The following PAPOLA variants were observed in gnomAD, a reference collection of about 807,000 sequenced individuals.
PAPOLA encodes the protein polynucleotide adenylyltransferase alpha.
Under a neutral mutation model 100.6 loss-of-function variants are expected in PAPOLA, and 15 were observed. The ratio of observed to expected loss-of-function variants is 0.15; its 90% confidence interval spans 0.10 to 0.23. The LOEUF is 0.23. Among genes scored for constraint, PAPOLA ranks in the 10% least tolerant of loss-of-function variants. The pLI is 1.00. For synonymous variants in PAPOLA, 293 were observed against 300.0 expected (o/e 0.98, Z 0.24); for missense variants, 533 against 884.2 (o/e 0.60, Z 5.04).
At chr14:96,534,787 A>G in intron 10 of PAPOLA, 2 of 1,293,436 alleles carry the variant, frequency 1.5e-6, no homozygotes, top group Middle Eastern at 2.5e-4. Context: ...ATAGTTTTTA[A>G]TACAGATTTT....
At chr14:96,564,145 A>G (rs1240474592) in intron 21 of PAPOLA, among the ~76,000 whole-genome samples, 2 of 152,090 alleles carry the variant, frequency 1.3e-5, no homozygotes, top group Non-Finnish European at 2.9e-5. Flanking sequence ...AGGTGATAAT[A>G]TTGTGGCTAT....
intron 9 of PAPOLA, chr14:96,533,642 C>T: frequency 1.9e-6 from 1 of 528,804 alleles, no homozygotes; most frequent in Non-Finnish European, 2.4e-6. Flanking sequence ...GCAAGCTCTG[C>T]CTCCTGGATT....
intron 16 of PAPOLA, among the ~76,000 whole-genome samples, chr14:96,550,786 A>G (rs2140317886): frequency 6.6e-6 from 1 of 152,338 alleles, no homozygotes; most frequent in African/African-American, 2.4e-5. Flanking sequence ...GTAAAATAGC[A>G]CTTTCTTGCT....
chr14:96,557,905 A>G (rs1289928962), intron 19 of PAPOLA, among the ~76,000 whole-genome samples: 1 of 152,020 alleles, frequency 6.6e-6, no homozygotes. Flanking sequence ...TGCTGTTTAA[A>G]TTGTTGTTAT....
intron 14 of PAPOLA, among the ~76,000 whole-genome samples, chr14:96,543,537 A>T (rs995784499): frequency 1.3e-5 from 2 of 151,918 alleles, no homozygotes; most frequent in Non-Finnish European, 2.9e-5. Context: ...TTTGTGTTAT[A>T]CAGTATTCTT....
Position 96,521,026 on chromosome 14 carries a change from TA to T in PAPOLA, c.206del (p.Asn69IlefsTer4). 2 of 1,538,762 alleles carry T rather than the reference TA, an allele frequency of 1.3e-6. No individual in the cohort carries two copies. Among genetic ancestry groups the T allele is most frequent in the Non-Finnish European group, 1.8e-6 (2 of 1,112,016 alleles). ...AACAGGATTTTAATTTTGGGAAAAC[TA>T]AATAACCTGGTAAAAGAGTGGATAC... is the stretch of plus-strand genomic sequence containing the variant. ...LQRRILILGK[L>X]NNLVKEWIRE... On this transcript the variant is annotated frameshift_variant, in exon 3 of 22. Coordinates refer to ENST00000216277, the MANE Select transcript of PAPOLA (RefSeq NM_032632.5). LOFTEE classifies it high-confidence loss of function.
chr14:96,519,263 G>T (rs1897741598), intron 1 of PAPOLA, among the ~76,000 whole-genome samples: 4 of 152,056 alleles, frequency 2.6e-5, no homozygotes, highest in Admixed American at 2.6e-4. Context: ...GAATTTGGGA[G>T]AAATAACCGA....
At chr14:96,538,976 C>T (rs545304313) in intron 12 of PAPOLA, among the ~76,000 whole-genome samples, 24 of 152,002 alleles carry the variant, frequency 1.6e-4, no homozygotes, top group Non-Finnish European at 3.2e-4. Flanking sequence ...AGAAAAATCT[C>T]GTTTGTTTTA....
intron 1 of PAPOLA, among the ~76,000 whole-genome samples, chr14:96,506,691 G>A (rs80064276): frequency 0.017 from 2,639 of 152,254 alleles, 76 homozygotes; most frequent in African/African-American, 0.061. Flanking sequence ...GCTGTATAAT[G>A]TGTGCTTAAA....
chr14:96,539,022 A>G (rs1164023940), intron 12 of PAPOLA, among the ~76,000 whole-genome samples: 2 of 152,136 alleles, frequency 1.3e-5, no homozygotes, highest in Non-Finnish European at 2.9e-5. Context: ...AAGACTTATC[A>G]GTGTTCCTCA....
Position 96,512,073 on chromosome 14 carries a change from A to G in PAPOLA, c.9-7982A>G, listed in dbSNP as rs114900236. 2.3e-3 allele frequency among the ~76,000 whole-genome samples: 344 copies of G among 152,338 alleles called. 1 individual carries two copies. Among genetic ancestry groups the G allele is most frequent in the African/African-American group, 7.7e-3 (320 of 41,584 alleles). On this transcript the variant is annotated intron_variant, in intron 1 of 21. Transcript: ENST00000216277. ...AGGGGGTTATTTTAGCCTCCTTGCTATAACTATTCTAATTTAATGGTGAAC... is the reference window on the plus strand; with the variant it reads ...AGGGGGTTATTTTAGCCTCCTTGCTGTAACTATTCTAATTTAATGGTGAAC...
chr14:96,502,883 C>T (rs948545015), intron 1 of PAPOLA: 8 of 404,332 alleles, frequency 2.0e-5, no homozygotes, highest in Admixed American at 4.3e-5. Context: ...CTAACTCGCC[C>T]GGCCACTCCA....
In PAPOLA at chr14:96,552,396, CAT is replaced by C. The variant is rs1455375081; in HGVS notation, c.1522-79_1522-78del. The C allele has an allele frequency of 3.2e-6, 4 of 1,247,972 alleles. No individual in the cohort carries two copies. The Admixed American group carries it at 5.7e-5, about 18-fold the overall frequency. 77.3% of individuals were successfully genotyped at this position (1,247,972 alleles called of 1,614,324 possible). ...GTGATCTGTGCTTTTCAGTAAAAAT[CAT>C]ATATGTTAAGTAAAAGGTTTCCATG... On this transcript the variant is annotated intron_variant, in intron 16 of 21. Transcript: ENST00000216277.
Position 96,558,537 on chromosome 14 carries a change from C to T in PAPOLA, c.2005-2112C>T, listed in dbSNP as rs113539094. ...GTAGAATAACACTTGTGTTTCTTGT[C>T]TGGTTTAGAAAAGCAATAAGAATAT... On this transcript the variant is annotated intron_variant, in intron 19 of 21. Transcript: ENST00000216277. Among the ~76,000 whole-genome samples the T allele has an allele frequency of 6.6e-5, 10 of 152,080 alleles. 2 individuals carry two copies. Among genetic ancestry groups the T allele is most frequent in the African/African-American group, 2.4e-4 (10 of 41,504 alleles).
intron 3 of PAPOLA, among the ~76,000 whole-genome samples, chr14:96,521,950 C>T (rs184454417): frequency 2.6e-5 from 4 of 151,534 alleles, no homozygotes; most frequent in East Asian, 3.9e-4. Flanking sequence ...TGCAGGCGGG[C>T]GCCACCATGC....
intron 17 of PAPOLA, 69 bp from the exon 18 acceptor site, chr14:96,555,778 T>G: frequency 7.8e-6 from 6 of 769,598 alleles, no homozygotes; most frequent in Non-Finnish European, 1.3e-5. Context: ...ATGTTATAGA[T>G]TATTGTAATT....
chr14:96,504,195 T>G (rs1896549930), intron 1 of PAPOLA: 1 of 152,232 alleles, frequency 6.6e-6, no homozygotes, highest in Admixed American at 6.5e-5. Flanking sequence ...GGGACTTCTT[T>G]TTCTGATAAT....
chr14:96,520,222 A>C lies in PAPOLA; in HGVS notation c.176A>C (p.Gln59Pro). The C allele has an allele frequency of 6.2e-7, 1 of 1,606,846 alleles. No individual in the cohort carries two copies. Among genetic ancestry groups the C allele is most frequent in the Non-Finnish European group, 8.5e-7 (1 of 1,177,026 alleles). ...FGVFEEEEEL[Q>P]RRILILGKLN... Reference sequence around the variant, plus strand: ...GTTTTTGAAGAGGAAGAGGAACTGCAGCGCAGGTAAATAGATATTCTATAT... The same window carrying C: ...GTTTTTGAAGAGGAAGAGGAACTGCCGCGCAGGTAAATAGATATTCTATAT... The change falls in exon 2 of 22, where the codon CAG becomes CCG. Residue 59 changes from glutamine to proline, a missense_variant. Gln to Pro is a moderately conservative substitution (Grantham distance 76, BLOSUM62 -1). This residue lies in a region of PAPOLA where 54 missense variants were observed against 133.2 expected (regional missense o/e 0.41). Coordinates refer to ENST00000216277, the MANE Select transcript of PAPOLA (RefSeq NM_032632.5).
intron 19 of PAPOLA, among the ~76,000 whole-genome samples, chr14:96,560,188 C>T (rs1901720752): frequency 6.6e-6 from 1 of 152,090 alleles, no homozygotes; most frequent in African/African-American, 2.4e-5. Context: ...TAGGTCGTAC[C>T]AAGAGCAAGG....
Sources: allele counts gnomAD v4.1 joint callset (sites outside exome capture counted in the v4.1 genomes callset), GRCh38; gene constraint gnomAD v4.1.1; regional missense constraint gnomAD v4.1.1; transcripts MANE v1.5; gene names NCBI Gene and HGNC (gene_info 2026-07-23, HGNC 2026-07-21).